NAALADL2: variants seen among roughly 807,000 people sequenced by gnomAD.
NAALADL2 encodes the protein inactive N-acetylated-alpha-linked acidic dipeptidase-like protein 2.
A neutral mutation model predicts 87.2 loss-of-function variants in NAALADL2; 76 were observed. That is an observed-to-expected ratio of 0.87 (90% CI 0.72 to 1.05). NAALADL2 has a LOEUF of 1.05. Among genes scored for constraint, NAALADL2 ranks in the 50% least tolerant of loss-of-function variants. The pLI, the probability that NAALADL2 is intolerant of heterozygous loss-of-function variation, is 0.00. For synonymous variants in NAALADL2, 354 were observed against 331.0 expected (o/e 1.07, Z -0.75); for missense variants, 1,089 against 945.8 (o/e 1.15, Z -1.99).
chr3:175,788,359 A>G (rs928672243), intron 13 of NAALADL2, among the ~76,000 whole-genome samples: 1 of 152,050 alleles, frequency 6.6e-6, no homozygotes, highest in Non-Finnish European at 1.5e-5. Context: ...CCAAAGTCCT[A>G]GGATTATAGG....
chr3:175,043,931 A>G (rs552299571), intron 1 of NAALADL2, among the ~76,000 whole-genome samples: 1 of 152,306 alleles, frequency 6.6e-6, no homozygotes, highest in East Asian at 1.9e-4. Flanking sequence ...TGTACTTTTG[A>G]CAGTGATTAC....
intron 1 of NAALADL2, among the ~76,000 whole-genome samples, chr3:174,534,701 A>G (rs561149182): frequency 6.6e-6 from 1 of 152,310 alleles, no homozygotes; most frequent in South Asian, 2.1e-4. Context: ...GGCAAAAGTA[A>G]TGGCGCCATT....
chr3:175,112,279 T>A (rs1419367500), intron 2 of NAALADL2, among the ~76,000 whole-genome samples: 1 of 151,574 alleles, frequency 6.6e-6, no homozygotes, highest in Non-Finnish European at 1.5e-5. Flanking sequence ...TTTCCCCAAA[T>A]TCTTGTTAAT....
intron 3 of NAALADL2, among the ~76,000 whole-genome samples, chr3:174,820,938 A>G (rs568125357): frequency 6.6e-6 from 1 of 152,352 alleles, no homozygotes; most frequent in Admixed American, 6.5e-5. Flanking sequence ...AATTGCATAA[A>G]GTTTGAGTAT....
intron 1 of NAALADL2, among the ~76,000 whole-genome samples, chr3:174,524,435 T>C (rs1720543116): frequency 6.6e-6 from 1 of 152,180 alleles, no homozygotes; most frequent in Non-Finnish European, 1.5e-5. Context: ...CACAATATAC[T>C]GTAGCCACAG....
At chr3:174,562,850 T>C (rs16861783) in intron 2 of NAALADL2, among the ~76,000 whole-genome samples, 28,407 of 151,974 alleles carry the variant, frequency 0.19, 2,801 homozygotes, top group Non-Finnish European at 0.21. Flanking sequence ...TGTTTTATTG[T>C]GCTCACTATA....
intron 6 of NAALADL2, chr3:175,460,180 G>A (rs1279330917): frequency 2.2e-6 from 1 of 456,460 alleles, no homozygotes; most frequent in South Asian, 1.5e-5. Context: ...CAGCAGGTGT[G>A]TCTTTAGAGC....
intron 2 of NAALADL2, among the ~76,000 whole-genome samples, chr3:174,613,411 A>C (rs1384183154): frequency 6.6e-6 from 1 of 150,472 alleles, no homozygotes; most frequent in Admixed American, 6.6e-5. Flanking sequence ...GCTGTCCAGG[A>C]GTCAGGGACT....
chr3:175,033,089 C>G (rs114201492), intron 1 of NAALADL2, among the ~76,000 whole-genome samples: 3,483 of 151,844 alleles, frequency 0.023, 55 homozygotes, highest in Non-Finnish European at 0.035. Context: ...CCTCAAAGCT[C>G]AAGCGGGGGA....
chr3:175,170,911 A>G (rs1734709794), intron 2 of NAALADL2, among the ~76,000 whole-genome samples: 1 of 151,888 alleles, frequency 6.6e-6, no homozygotes, highest in Non-Finnish European at 1.5e-5. Flanking sequence ...TAAGAGATTA[A>G]AAGGAAATAT....
chr3:174,780,227 G>A (rs1470361855), intron 3 of NAALADL2, among the ~76,000 whole-genome samples: 2 of 150,838 alleles, frequency 1.3e-5, no homozygotes, highest in East Asian at 2.0e-4. Flanking sequence ...CTTGTAAGTT[G>A]TATTCTCTTT....
chr3:174,476,256 CT>C (rs373800541), intron 1 of NAALADL2, among the ~76,000 whole-genome samples: 1,591 of 135,676 alleles, frequency 0.012, 11 homozygotes, highest in South Asian at 0.024. Flanking sequence ...GAGCAGTAGT[CT>C]TTTTTTTTTT....
intron 1 of NAALADL2, among the ~76,000 whole-genome samples, chr3:175,035,222 T>C (rs1753268712): frequency 6.6e-6 from 1 of 152,156 alleles, no homozygotes; most frequent in African/African-American, 2.4e-5. Flanking sequence ...AGAGTTCAGA[T>C]ATAAAAGAAG....
chr3:175,780,521 C>G (rs1013470912), intron 13 of NAALADL2, among the ~76,000 whole-genome samples: 1 of 151,964 alleles, frequency 6.6e-6, no homozygotes, highest in Non-Finnish European at 1.5e-5. Context: ...TTCCAAAATA[C>G]TGTCAGACAA....
chr3:175,491,392 G>T (rs1234658974), intron 9 of NAALADL2, among the ~76,000 whole-genome samples: 1 of 151,504 alleles, frequency 6.6e-6, no homozygotes, highest in Non-Finnish European at 1.5e-5. Flanking sequence ...TTTGTCTTCT[G>T]TGCTTATCTA....
chr3:175,611,806 C>A (rs1479797351), intron 10 of NAALADL2, among the ~76,000 whole-genome samples: 1 of 152,114 alleles, frequency 6.6e-6, no homozygotes, highest in South Asian at 2.1e-4. Flanking sequence ...CAGAGACACT[C>A]ATTGAGAGAC....
At chr3:175,343,559 T>C (rs1361213695) in intron 5 of NAALADL2, among the ~76,000 whole-genome samples, 1 of 151,916 alleles carries the variant, frequency 6.6e-6, no homozygotes, top group African/African-American at 2.4e-5. Flanking sequence ...TCTGCATTTC[T>C]TTGGTGATTT....
At chr3:175,613,295 T>A (rs577345080) in intron 10 of NAALADL2, among the ~76,000 whole-genome samples, 1 of 152,346 alleles carries the variant, frequency 6.6e-6, no homozygotes, top group East Asian at 1.9e-4. Flanking sequence ...TCTACTTGCT[T>A]ACTAGTTAGT....
intron 2 of NAALADL2, among the ~76,000 whole-genome samples, chr3:175,126,119 A>G (rs1256378697): frequency 6.6e-6 from 1 of 152,084 alleles, no homozygotes; most frequent in Non-Finnish European, 1.5e-5. Flanking sequence ...TGTGTATGGG[A>G]GAAGGAGTAA....
Sources: allele counts gnomAD v4.1 joint callset (sites outside exome capture counted in the v4.1 genomes callset), GRCh38; gene constraint gnomAD v4.1.1; transcripts MANE v1.5; gene names NCBI Gene and HGNC (gene_info 2026-07-23, HGNC 2026-07-21).